The following KLF13 variants were observed in gnomAD, a reference collection of about 807,000 sequenced individuals.
The protein encoded by KLF13 is KLF transcription factor 13.
In KLF13, 8 loss-of-function variants were observed where a neutral mutation model predicts 16.7. The ratio of observed to expected loss-of-function variants is 0.48; its 90% CI spans 0.28 to 0.87. KLF13 has a LOEUF of 0.87. KLF13 is among the 40% of genes least tolerant of loss of function. The probability of loss-of-function intolerance (pLI) is 0.10; values close to 1 mark genes in which losing one functional copy is unlikely to be tolerated. For synonymous variants in KLF13, 245 were observed against 208.4 expected, an observed-to-expected ratio of 1.18 and a Z score of -1.51; for missense variants, 447 against 452.2, an observed-to-expected ratio of 0.99 and a Z score of 0.10.
At position 31,327,495 on chromosome 15, in the gene KLF13, C is replaced by CCCTGCCG; in HGVS notation, c.293_299dup (p.Pro101AlafsTer96). On this transcript the variant is annotated frameshift_variant, in exon 1 of 2. Transcript: ENST00000307145. LOFTEE classifies it high-confidence loss of function. ...CGCCGCGGCCCGGAAGGCGAGGACC[C>CCCTGCCG]CCTGCCGCCTGCCGCCGCCCGCCCC... 1 of 1,166,918 alleles carries CCCTGCCG rather than the reference C, an allele frequency of 8.6e-7. No individual in the cohort carries two copies. The highest frequency in any genetic ancestry group is 1.1e-6 in the Non-Finnish European group (1 of 947,348). 72.3% of individuals were successfully genotyped at this position (1,166,918 alleles called of 1,614,324 possible).
intron 1 of KLF13, among the ~76,000 whole-genome samples, chr15:31,349,881 A>G (rs978445571): frequency 2.0e-5 from 3 of 152,252 alleles, no homozygotes; most frequent in African/African-American, 7.2e-5. Context: ...AGATGAGCTC[A>G]GATGTCCCTG....
intron 2 of KLF13, among the ~76,000 whole-genome samples, chr15:31,397,998 G>A (rs368400537): frequency 6.6e-6 from 1 of 152,066 alleles, no homozygotes. Flanking sequence ...TCTCCGGGTC[G>A]ACCCTGAGTT....
intron 1 of KLF13, among the ~76,000 whole-genome samples, chr15:31,421,973 G>A (rs908821402): frequency 1.3e-5 from 2 of 151,894 alleles, no homozygotes; most frequent in South Asian, 2.1e-4. Context: ...AAATTAGCAG[G>A]GCATGGTGGC....
intron 1 of KLF13, among the ~76,000 whole-genome samples, chr15:31,346,901 C>T (rs138972623): frequency 7.2e-4 from 109 of 152,172 alleles, no homozygotes; most frequent in African/African-American, 2.6e-3. Context: ...GCAGACTGGA[C>T]GTGTGGGTTG....
At chr15:31,380,785 T>C (rs2039714129), downstream of KLF13, among the ~76,000 whole-genome samples, 3 of 152,206 alleles carry the variant, frequency 2.0e-5, no homozygotes. Flanking sequence ...CCAACTTTCC[T>C]CCACCGTTAC....
intron 1 of KLF13, among the ~76,000 whole-genome samples, chr15:31,338,065 G>A (rs888253933): frequency 7.2e-5 from 11 of 152,154 alleles, no homozygotes; most frequent in Non-Finnish European, 1.2e-4. Context: ...ATACAGCCTT[G>A]GCTACTTATA....
chr15:31,427,376 G>A (rs1252823049), intron 1 of KLF13, among the ~76,000 whole-genome samples: 2 of 151,958 alleles, frequency 1.3e-5, no homozygotes, highest in East Asian at 1.9e-4. Flanking sequence ...ACAAGTGTTG[G>A]CAAGAATGTA....
intron 1 of KLF13, among the ~76,000 whole-genome samples, chr15:31,385,677 G>A (rs919280457): frequency 2.0e-5 from 3 of 152,336 alleles, no homozygotes; most frequent in Middle Eastern, 3.4e-3. Context: ...ATAAATGTGT[G>A]TGTTCTCACT....
In KLF13 at chr15:31,400,449, C is replaced by A. The variant is rs575816677; in HGVS notation, n.530-2979C>A. Among the ~76,000 whole-genome samples the A allele has an allele frequency of 1.6e-4, 24 of 151,950 alleles. No individual in the cohort carries two copies. The East Asian group carries it at 4.7e-3, about 30-fold the overall frequency. ...TGAGTGGATGACATTTAAATAAAGG[C>A]CTTAAAAAGTGAGTCAGCCAGCCTT... On this transcript the variant is annotated intron_variant and non_coding_transcript_variant, in intron 2 of 2. Transcript: ENST00000500533.
intron 1 of KLF13, among the ~76,000 whole-genome samples, chr15:31,338,300 G>A (rs1192739279): frequency 6.6e-6 from 1 of 152,184 alleles, no homozygotes; most frequent in Non-Finnish European, 1.5e-5. Context: ...TTATGTGAGT[G>A]TGTGCACGTG....
intron 1 of KLF13, among the ~76,000 whole-genome samples, chr15:31,342,507 C>T (rs1054451922): frequency 6.6e-6 from 1 of 152,238 alleles, no homozygotes; most frequent in Non-Finnish European, 1.5e-5. Context: ...CGCTTCATAA[C>T]AGCTCCTTCA....
chr15:31,345,839 G>A (rs1418251061), intron 1 of KLF13, among the ~76,000 whole-genome samples: 3 of 152,284 alleles, frequency 2.0e-5, no homozygotes, highest in South Asian at 4.1e-4. Context: ...TATTTGCACC[G>A]TCAGTTTACC....
intron 1 of KLF13, among the ~76,000 whole-genome samples, chr15:31,409,838 A>C (rs1169202721): frequency 6.6e-6 from 1 of 152,204 alleles, no homozygotes; most frequent in Non-Finnish European, 1.5e-5. Flanking sequence ...AAACTGAGAA[A>C]ATTTTCTACT....
At chr15:31,404,805 C>T (rs76095003), downstream of KLF13, 2,749 of 152,416 alleles carry the variant, frequency 0.018, 56 homozygotes, top group East Asian at 0.11. Context: ...TTGCGGTCAG[C>T]GAGACCACGA....
chr15:31,384,626 A>G (rs1334366703), intron 1 of KLF13, among the ~76,000 whole-genome samples: 1 of 152,196 alleles, frequency 6.6e-6, no homozygotes, highest in Non-Finnish European at 1.5e-5. Context: ...AAGCTGGCAC[A>G]GTGTGTCCCC....
intron 1 of KLF13, among the ~76,000 whole-genome samples, chr15:31,349,063 G>C (rs572985542): frequency 1.3e-5 from 2 of 152,284 alleles, no homozygotes; most frequent in African/African-American, 4.8e-5. Context: ...CAGGGTATGG[G>C]TTTTCAGGAG....
At chr15:31,430,279 C>T (rs1308860342) in intron 1 of KLF13, among the ~76,000 whole-genome samples, 1 of 152,036 alleles carries the variant, frequency 6.6e-6, no homozygotes, top group Admixed American at 6.6e-5. Context: ...ATATAAAGTA[C>T]ACCTAAAAAT....
At chr15:31,347,545 G>T (rs2039143407) in intron 1 of KLF13, among the ~76,000 whole-genome samples, 2 of 152,204 alleles carry the variant, frequency 1.3e-5, no homozygotes, top group African/African-American at 4.8e-5. Context: ...CCCAGGAGGT[G>T]ACTCTGCCTT....
rs2038741762 is a variant in KLF13 at position 31,327,703 on chromosome 15, A to C, written c.491A>C (p.Gln164Pro). ...AGTCGCGCCGACCTCGAGTCCCCGCAGAGGAAGCACAAGTGCCACTACGCG... is the reference window on the plus strand; with the variant it reads ...AGTCGCGCCGACCTCGAGTCCCCGCCGAGGAAGCACAAGTGCCACTACGCG... ...GRSRADLESP[Q>P]RKHKCHYAGC... is the part of the protein sequence containing the mutation. The change falls in exon 1 of 2, where the codon CAG (glutamine) becomes CCG (proline). Residue 164 changes from glutamine (Q) to proline (P), a missense_variant. Gln to Pro is a moderately conservative substitution (Grantham distance 76, BLOSUM62 -1). Coordinates refer to ENST00000307145, the MANE Select transcript of KLF13 (RefSeq NM_015995.4). 6.5e-7 allele frequency: 1 copy of C among 1,538,412 alleles called. No individual in the cohort carries two copies. The highest frequency in any genetic ancestry group is 2.7e-5 in the East Asian group (1 of 37,608).
Sources: allele counts gnomAD v4.1 joint callset (sites outside exome capture counted in the v4.1 genomes callset), GRCh38; gene constraint gnomAD v4.1.1; transcripts MANE v1.5; gene names NCBI Gene and HGNC (gene_info 2026-07-23, HGNC 2026-07-21).